RGPD1: variants seen among roughly 807,000 people sequenced by gnomAD.
RGPD1 encodes the protein RANBP2 like and GRIP domain containing 1.
In RGPD1, 7 loss-of-function variants were observed where a neutral mutation model predicts 40.6. The ratio of observed to expected loss-of-function variants is 0.17; its 90% CI spans 0.10 to 0.32. The LOEUF (loss-of-function observed/expected upper bound fraction) is 0.32, where lower values mean the gene tolerates loss of function less well. Ranked by LOEUF, RGPD1 falls within the 10% of genes least tolerant of loss-of-function variation. The pLI, the probability that RGPD1 is intolerant of heterozygous loss-of-function variation, is 1.00. For missense variants in RGPD1, 50 were observed against 472.5 expected (o/e 0.11, Z 8.29); for synonymous variants, 24 against 167.0 (o/e 0.14, Z 6.60).
In RGPD1 at chr2:86,942,317, A is replaced by C. The variant is rs1020627323; in HGVS notation, c.72+9A>C. 1.3e-6 allele frequency: 2 copies of C among 1,551,448 alleles called. No individual in the cohort carries two copies. Among genetic ancestry groups the C allele is most frequent in the Non-Finnish European group, 1.7e-6 (2 of 1,149,718 alleles). ...CCCCGTCGCCTGGAAAGGTGAGTGG[A>C]TCTCGAAGAGACCGACGGCCTCGAC... On this transcript the variant is annotated intron_variant, in intron 1 of 22. Coordinates refer to ENST00000641458, the MANE Select transcript of RGPD1 (RefSeq NM_001382344.1).
intron 1 of RGPD1, among the ~76,000 whole-genome samples, chr2:86,930,044 C>A: frequency 7.0e-6 from 1 of 143,730 alleles, no homozygotes; most frequent in Non-Finnish European, 1.5e-5. Context: ...GTGGCACTAA[C>A]CCTCACCTCC....
intron 1 of RGPD1, among the ~76,000 whole-genome samples, chr2:86,925,086 G>A (rs1412906472): frequency 9.2e-5 from 14 of 152,244 alleles, no homozygotes; most frequent in African/African-American, 3.4e-4. Flanking sequence ...TTTTTGTGAA[G>A]TTTCTGTTCA....
At position 86,943,862 on chromosome 2, in the gene RGPD1, AAGTT is replaced by A. The variant is rs980072303; in HGVS notation, c.72+1557_72+1560del. Among the ~76,000 whole-genome samples the A allele has an allele frequency of 5.9e-5, 9 of 152,122 alleles. No individual in the cohort carries two copies. In the East Asian group the frequency reaches 7.7e-4, roughly 13 times the overall value. ...CTCGTCTCTACTAAAAATAGAAAAAAAGTTAGCCGGGCGTGGTGGTGCACACCTG... is the reference window on the plus strand; with the variant it reads ...CTCGTCTCTACTAAAAATAGAAAAAAAGCCGGGCGTGGTGGTGCACACCTG... On this transcript the variant is annotated intron_variant, in intron 1 of 22. Transcript: ENST00000641458.
chr2:86,935,616 T>C (rs573605837), intron 1 of RGPD1, among the ~76,000 whole-genome samples: 1 of 126,156 alleles, frequency 7.9e-6, no homozygotes, highest in Non-Finnish European at 1.8e-5. Flanking sequence ...TGTGGAATTT[T>C]TAGTTCCCCA....
intron 1 of RGPD1, among the ~76,000 whole-genome samples, chr2:86,927,080 C>A (rs71217806): frequency 1.8e-4 from 27 of 152,204 alleles, no homozygotes; most frequent in Middle Eastern, 3.4e-3. Context: ...TGCACTAGAT[C>A]ATTTTCAATT....
At chr2:86,938,612 A>T (rs1445988382), upstream of RGPD1, among the ~76,000 whole-genome samples, 31 of 145,080 alleles carry the variant, frequency 2.1e-4, no homozygotes, top group Non-Finnish European at 3.8e-4. Flanking sequence ...AAAAAAAAAA[A>T]AATAAATAAA....
intron 1 of RGPD1, among the ~76,000 whole-genome samples, chr2:86,923,328 C>T (rs1363141125): frequency 6.6e-5 from 10 of 151,752 alleles, no homozygotes; most frequent in African/African-American, 2.4e-4. Flanking sequence ...GCATGAGCCA[C>T]TGCACCTGGC....
At chr2:86,939,334 T>C (rs1679561959), upstream of RGPD1, among the ~76,000 whole-genome samples, 1 of 147,908 alleles carries the variant, frequency 6.8e-6, no homozygotes, top group South Asian at 2.1e-4. Context: ...ATCCGAGCAC[T>C]TTGGGAGGCT....
chr2:86,926,859 A>T (rs928088180), intron 1 of RGPD1, among the ~76,000 whole-genome samples: 2 of 151,842 alleles, frequency 1.3e-5, no homozygotes, highest in African/African-American at 4.8e-5. Flanking sequence ...TCCTACTTGC[A>T]ATATTATCTT....
At chr2:86,942,789 G>C (rs545778202) in intron 1 of RGPD1, among the ~76,000 whole-genome samples, 1 of 151,712 alleles carries the variant, frequency 6.6e-6, no homozygotes, top group Non-Finnish European at 1.5e-5. Flanking sequence ...GGCGCCGGCC[G>C]GCTGGCGCAG....
At chr2:86,919,694 GTCTC>G (rs1319082173) in intron 1 of RGPD1, among the ~76,000 whole-genome samples, 1 of 112,280 alleles carries the variant, frequency 8.9e-6, no homozygotes, top group African/African-American at 4.5e-5. Flanking sequence ...TGCCTGTCCT[GTCTC>G]TCTCTATAGA....
intron 1 of RGPD1, among the ~76,000 whole-genome samples, chr2:86,930,095 G>C (rs940305839): frequency 2.8e-5 from 4 of 141,834 alleles, no homozygotes; most frequent in Non-Finnish European, 6.3e-5. Flanking sequence ...CAAGGGCAGA[G>C]CTTAATACCG....
intron 6 of RGPD1, among the ~76,000 whole-genome samples, chr2:86,962,536 C>T (rs944516162): frequency 1.0e-5 from 1 of 95,588 alleles, no homozygotes; most frequent in East Asian, 2.5e-4. Flanking sequence ...AAAAAAAAGA[C>T]AATTTATTTA....
upstream of RGPD1, among the ~76,000 whole-genome samples, chr2:86,941,390 C>CTTT (rs1163415939): frequency 7.0e-6 from 1 of 142,098 alleles, no homozygotes; most frequent in Non-Finnish European, 1.5e-5. Context: ...ATTCCTTTTC[C>CTTT]TTTTTTTTTT....
chr2:86,925,192 T>C (rs1573572078), intron 1 of RGPD1, among the ~76,000 whole-genome samples: 1 of 152,274 alleles, frequency 6.6e-6, no homozygotes, highest in Non-Finnish European at 1.5e-5. Context: ...TATTTTCCCT[T>C]AGAATGTGGC....
chr2:86,942,906 C>G (rs192856615), intron 1 of RGPD1, among the ~76,000 whole-genome samples: 4 of 151,976 alleles, frequency 2.6e-5, no homozygotes, highest in Admixed American at 6.5e-5. Context: ...GGTTTGTTCC[C>G]GACGGTGCTC....
At chr2:86,942,591 C>T (rs1435666901) in intron 1 of RGPD1, among the ~76,000 whole-genome samples, 9 of 109,966 alleles carry the variant, frequency 8.2e-5, no homozygotes, top group Non-Finnish European at 1.8e-4. Context: ...ATGGCTCAGG[C>T]GTCATGGCTC....
At chr2:86,930,069 C>T (rs1678810473) in intron 1 of RGPD1, among the ~76,000 whole-genome samples, 1 of 142,782 alleles carries the variant, frequency 7.0e-6, no homozygotes, top group African/African-American at 2.5e-5. Context: ...CTGGCTCAGC[C>T]TCACCGGAGG....
chr2:86,930,638 C>G (rs1406596640), intron 1 of RGPD1: 1 of 1,611,476 alleles, frequency 6.2e-7, no homozygotes. Flanking sequence ...AGTGAACACT[C>G]TCACAGAGGT....
Sources: allele counts gnomAD v4.1 joint callset (sites outside exome capture counted in the v4.1 genomes callset), GRCh38; gene constraint gnomAD v4.1.1; transcripts MANE v1.5; gene names NCBI Gene and HGNC (gene_info 2026-07-23, HGNC 2026-07-21).